GRAMD4: variants seen among roughly 807,000 people sequenced by gnomAD.
GRAMD4 encodes GRAM domain-containing protein 4.
A neutral mutation model predicts 83.9 loss-of-function variants in GRAMD4; 25 were observed. That is an observed-to-expected ratio of 0.30 (90% CI 0.22 to 0.42). GRAMD4 has a LOEUF of 0.42. GRAMD4 is among the 10% of genes least tolerant of loss of function. GRAMD4 has a pLI of 1.00. For synonymous variants in GRAMD4, 336 were observed against 320.9 expected, an observed-to-expected ratio of 1.05 and a Z score of -0.50; for missense variants, 593 against 788.7, an observed-to-expected ratio of 0.75 and a Z score of 2.97.
rs367754031 is a variant in GRAMD4, at chr22:46,661,031, CAT to C, written c.405-349_405-348del. ...GGCCTGGCTTGGTGCCTGATAAACACATGTGTGTTGATCAGTATCTTTTCATT... is the reference window on the plus strand; with the variant it reads ...GGCCTGGCTTGGTGCCTGATAAACACGTGTGTTGATCAGTATCTTTTCATT... On this transcript the variant is annotated intron_variant, in intron 4 of 18. Transcript: ENST00000406902. 2.4e-4 allele frequency among the ~76,000 whole-genome samples: 37 copies of C among 151,094 alleles called. 1 individual carries two copies. The highest frequency in any genetic ancestry group is 9.2e-4 in the Admixed American group (14 of 15,206).
At chr22:46,639,282 G>A (rs909777134) in intron 3 of GRAMD4, among the ~76,000 whole-genome samples, 4 of 93,570 alleles carry the variant, frequency 4.3e-5, no homozygotes, top group Non-Finnish European at 7.5e-5. Context: ...AACCCTGTGC[G>A]TGCCTGTGTG....
At chr22:46,577,834 C>G (rs1220290039) in intron 1 of GRAMD4, among the ~76,000 whole-genome samples, 1 of 152,236 alleles carries the variant, frequency 6.6e-6, no homozygotes, top group East Asian at 1.9e-4. Flanking sequence ...GCTCATGGGG[C>G]TCTGCTGGGG....
intron 1 of GRAMD4, among the ~76,000 whole-genome samples, chr22:46,583,084 C>T (rs1461500292): frequency 6.6e-6 from 1 of 152,194 alleles, no homozygotes; most frequent in African/African-American, 2.4e-5. Flanking sequence ...ACCACCATGC[C>T]TGGCTAATTT....
chr22:46,629,922 A>T (rs1569272788), intron 2 of GRAMD4, among the ~76,000 whole-genome samples: 1 of 152,152 alleles, frequency 6.6e-6, no homozygotes, highest in South Asian at 2.1e-4. Context: ...CTTTGCTCGC[A>T]TAAGGGACGC....
At chr22:46,591,832 C>CAAA (rs34868206) in intron 1 of GRAMD4, among the ~76,000 whole-genome samples, 1,081 of 37,358 alleles carry the variant, frequency 0.029, 122 homozygotes, top group African/African-American at 0.14. Flanking sequence ...GACTCTGTCT[C>CAAA]AAAAAAAAAA....
rs1483082299 is a variant in GRAMD4, at chr22:46,677,625, G to A, written c.*374G>A. The A allele has an allele frequency of 9.9e-7, 1 of 1,012,742 alleles. No homozygotes were observed. Among genetic ancestry groups the A allele is most frequent in the Non-Finnish European group, 1.2e-6 (1 of 846,728 alleles). 62.7% of individuals were successfully genotyped at this position (1,012,742 alleles called of 1,614,324 possible). A position where few individuals can be genotyped will look rare whatever the true frequency, so the allele number is the denominator to read the frequency against. On this transcript the variant is annotated 3_prime_UTR_variant, in exon 19 of 19. Coordinates refer to ENST00000406902, the MANE Select transcript of GRAMD4 (RefSeq NM_015124.5). ...CACCCCAAGAGGTTCTCGCAACCTT[G>A]TGTCCCGCTCTCCAGAGGCCAGAAG...
intron 1 of GRAMD4, among the ~76,000 whole-genome samples, chr22:46,613,774 C>G (rs925496428): frequency 2.0e-5 from 3 of 152,244 alleles, no homozygotes; most frequent in Non-Finnish European, 4.4e-5. Flanking sequence ...ACACCCCCTC[C>G]TGCCCTGGAG....
At chr22:46,581,137 T>C (rs1411774217) in intron 1 of GRAMD4, among the ~76,000 whole-genome samples, 7 of 152,206 alleles carry the variant, frequency 4.6e-5, no homozygotes, top group Non-Finnish European at 1.0e-4. Context: ...GCTACTGTTC[T>C]GATTGTTTGG....
At chr22:46,623,186 G>A (rs189467388) in intron 1 of GRAMD4, among the ~76,000 whole-genome samples, 4 of 152,148 alleles carry the variant, frequency 2.6e-5, no homozygotes, top group East Asian at 1.9e-4. Context: ...TCCTGTGTGG[G>A]TCCACCAGGG....
intron 2 of GRAMD4, among the ~76,000 whole-genome samples, chr22:46,633,102 C>A (rs1208897930): frequency 6.6e-6 from 1 of 152,200 alleles, no homozygotes; most frequent in South Asian, 2.1e-4. Flanking sequence ...GCAGCCCTGC[C>A]CAGGCTGACG....
At chr22:46,681,564 G>A (rs940973819), downstream of GRAMD4, among the ~76,000 whole-genome samples, 1 of 152,178 alleles carries the variant, frequency 6.6e-6, no homozygotes, top group Non-Finnish European at 1.5e-5. Flanking sequence ...GGCAGGCCTG[G>A]TGCCCTCTAG....
intron 3 of GRAMD4, among the ~76,000 whole-genome samples, chr22:46,644,882 T>C (rs111543579): frequency 2.1e-5 from 3 of 143,288 alleles, no homozygotes; most frequent in African/African-American, 7.7e-5. Flanking sequence ...ATAGGCACAT[T>C]GCACTGCACA....
At chr22:46,601,276 G>A (rs576859711) in intron 1 of GRAMD4, among the ~76,000 whole-genome samples, 108 of 152,164 alleles carry the variant, frequency 7.1e-4, no homozygotes, top group African/African-American at 2.3e-3. Flanking sequence ...GGGTCACACC[G>A]TGCAGCTGCC....
chr22:46,615,788 A>G (rs1448829617), upstream of GRAMD4, among the ~76,000 whole-genome samples: 1 of 17,780 alleles, frequency 5.6e-5, no homozygotes, highest in Admixed American at 7.9e-4. Context: ...CTGTGCGTGT[A>G]GGTTCCCCCG....
upstream of GRAMD4, among the ~76,000 whole-genome samples, chr22:46,617,190 C>T (rs1343379258): frequency 6.7e-6 from 1 of 149,058 alleles, no homozygotes; most frequent in African/African-American, 2.5e-5. Flanking sequence ...GTGTAGGTTC[C>T]TCCGTGTGTA....
rs112133064 is a variant in GRAMD4, at chr22:46,632,728, C to G, written c.163-5112C>G. On this transcript the variant is annotated intron_variant, in intron 2 of 18. Transcript: ENST00000406902. ...TCACCACCCTGGTATCCAGGTGGCT[C>G]TCATCTGGGCTGTGGAATCCCAGGA... 1.6e-3 allele frequency among the ~76,000 whole-genome samples: 238 copies of G among 152,374 alleles called. 2 individuals are homozygous for G. Among genetic ancestry groups the G allele is most frequent in the African/African-American group, 5.4e-3 (225 of 41,596 alleles).
chr22:46,614,210 C>T (rs2081446228), intron 1 of GRAMD4, among the ~76,000 whole-genome samples: 1 of 152,234 alleles, frequency 6.6e-6, no homozygotes, highest in African/African-American at 2.4e-5. Context: ...CCTGGGCCTG[C>T]CGCGCGTGGC....
Position 46,595,802 on chromosome 22 carries a change from CT to C in GRAMD4, c.-50+18513del, listed in dbSNP as rs375233416. On this transcript the variant is annotated intron_variant, in intron 1 of 1. Coordinates refer to the GRAMD4 transcript ENST00000431155. ...CTGCATGGGCAGGTGAGCACCCCAT[CT>C]GACAGGTGCCAGGGTGAAACACGAC... is the stretch of plus-strand genomic sequence containing the variant. Among the ~76,000 whole-genome samples the C allele has an allele frequency of 4.8e-4, 73 of 152,390 alleles. 1 individual carries two copies. The highest frequency in any genetic ancestry group is 1.7e-3 in the African/African-American group (71 of 41,602).
intron 1 of GRAMD4, among the ~76,000 whole-genome samples, chr22:46,604,532 C>T (rs1049010570): frequency 1.3e-5 from 2 of 152,224 alleles, no homozygotes; most frequent in African/African-American, 4.8e-5. Flanking sequence ...AAACTCCGCA[C>T]CCACAAAGCA....
Sources: allele counts gnomAD v4.1 joint callset (sites outside exome capture counted in the v4.1 genomes callset), GRCh38; gene constraint gnomAD v4.1.1; transcripts MANE v1.5; gene names NCBI Gene and HGNC (gene_info 2026-07-23, HGNC 2026-07-21).